Variants in KIFBP observed in about 807,000 individuals in gnomAD.
KIFBP encodes the protein KIF-binding protein.
Under a neutral mutation model 58.9 loss-of-function variants are expected in KIFBP, and 46 were observed. The observed-to-expected ratio is 0.78, with a 90% confidence interval of 0.62 to 1.00. KIFBP has a LOEUF of 1.00. Among genes scored for constraint, KIFBP ranks in the 50% least tolerant of loss-of-function variants. The pLI is 0.00. For synonymous variants in KIFBP, 241 were observed against 283.4 expected (o/e 0.85, Z 1.50); for missense variants, 651 against 752.9 (o/e 0.86, Z 1.58).
chr10:68,995,803 T>A (rs1843397012), intron 1 of KIFBP, among the ~76,000 whole-genome samples: 1 of 152,246 alleles, frequency 6.6e-6, no homozygotes, highest in African/African-American at 2.4e-5. Flanking sequence ...ATGTGAAAGA[T>A]GCAAGACCTT....
chr10:68,998,157 TAGTC>T (rs1033701738), intron 1 of KIFBP, among the ~76,000 whole-genome samples: 3 of 152,226 alleles, frequency 2.0e-5, no homozygotes, highest in African/African-American at 7.2e-5. Flanking sequence ...TGTTACATGT[TAGTC>T]AGGCTGGTCT....
intron 4 of KIFBP, among the ~76,000 whole-genome samples, chr10:69,008,391 A>AAAAATATATATATATATATATAT: frequency 7.0e-5 from 5 of 71,586 alleles, no homozygotes; most frequent in African/African-American, 2.3e-4. Flanking sequence ...AAAAAAAAAA[A>AAAAATATATATATATATATATAT]ATATATATAT....
intron 4 of KIFBP, chr10:69,007,656 A>G (rs1288125202): frequency 6.6e-6 from 1 of 152,238 alleles, no homozygotes; most frequent in African/African-American, 2.4e-5. Context: ...ACACGTGTCC[A>G]GCTATTCTCA....
chr10:68,993,398 T>A lies in KIFBP; in HGVS notation c.426+4140T>A, dbSNP rs150689729. Among the ~76,000 whole-genome samples, 161 of 152,298 alleles carry A rather than the reference T, an allele frequency of 1.1e-3. 2 individuals are homozygous for A. The highest frequency in any genetic ancestry group is 3.7e-3 in the African/African-American group (152 of 41,582). The stretch of plus-strand genomic sequence containing the variant: ...CCCTTGTGGGTTAGTAATTTCTGTC[T>A]GTCTCTTTGCCCCTCACTAATTGTT... On this transcript the variant is annotated intron_variant, in intron 1 of 6. Coordinates refer to ENST00000361983, the MANE Select transcript of KIFBP (RefSeq NM_015634.4).
At position 69,016,225 on chromosome 10, in the gene KIFBP, A is replaced by G; in HGVS notation, c.1675A>G (p.Thr559Ala). ...TGCCCGTCTCTATGGCAAAATCATT[A>G]CTGCAGATCCCAAGAAAGAGCTGGA... ...RVARLYGKIITADPKKELENL... is the reference protein window; with the variant it reads ...RVARLYGKIIAADPKKELENL... The change falls in exon 7 of 7, where the codon ACT becomes GCT. Residue 559 changes from threonine (T) to alanine (A), a missense_variant. By Grantham distance (58) the Thr-to-Ala change is moderately conservative. Coordinates refer to ENST00000361983, the MANE Select transcript of KIFBP (RefSeq NM_015634.4). 5.0e-6 allele frequency: 8 copies of G among 1,606,198 alleles called. No individual in the cohort carries two copies. The highest frequency in any genetic ancestry group is 6.8e-6 in the Non-Finnish European group (8 of 1,176,862).
chr10:69,010,745 G>C (rs1026789460), intron 5 of KIFBP, among the ~76,000 whole-genome samples, 155 bp from the exon 6 acceptor site: 11 of 151,880 alleles, frequency 7.2e-5, no homozygotes, highest in Admixed American at 5.3e-4. Flanking sequence ...GTAGGATTTG[G>C]GGGGGGATCT....
chr10:68,989,061 C>T lies in KIFBP; in HGVS notation c.229C>T (p.Pro77Ser), dbSNP rs1180741256. The T allele has an allele frequency of 1.9e-6, 3 of 1,612,550 alleles. No individual in the cohort carries two copies. In the South Asian group the frequency reaches 3.3e-5, roughly 18 times the overall value. ...PGAGDHALGL[P>S]AEVVEPEGPV... Reference sequence around the variant, plus strand: ...TGCCGGTGACCACGCCCTGGGGCTGCCGGCTGAGGTGGTGGAGCCCGAGGG... The same window carrying T: ...TGCCGGTGACCACGCCCTGGGGCTGTCGGCTGAGGTGGTGGAGCCCGAGGG... The change falls in exon 1 of 7, where the codon CCG (proline) becomes TCG (serine). Residue 77 changes from proline (P) to serine (S), a missense_variant. Coordinates refer to ENST00000361983, the MANE Select transcript of KIFBP (RefSeq NM_015634.4).
At chr10:68,996,890 G>A (rs147060777) in intron 1 of KIFBP, among the ~76,000 whole-genome samples, 68 of 151,784 alleles carry the variant, frequency 4.5e-4, no homozygotes, top group Non-Finnish European at 8.5e-4. Flanking sequence ...TTGGCCAGGC[G>A]CAGTGGCTCA....
At chr10:69,011,681 ATCTTT>A (rs1432113451) in intron 6 of KIFBP, among the ~76,000 whole-genome samples, 5 of 96,152 alleles carry the variant, frequency 5.2e-5, no homozygotes, top group African/African-American at 2.2e-4. Flanking sequence ...ACTGTGCCTA[ATCTTT>A]TTTTTTTTTT....
chr10:69,000,652 G>T, intron 2 of KIFBP, 130 bp downstream of exon 2: 1 of 706,968 alleles, frequency 1.4e-6, no homozygotes, highest in South Asian at 1.5e-5. Context: ...GAGCCATCTG[G>T]GAAGTCACCT....
intron 2 of KIFBP, 133 bp downstream of exon 2, chr10:69,000,655 A>G: frequency 1.4e-6 from 1 of 701,372 alleles, no homozygotes; most frequent in South Asian, 1.5e-5. Context: ...CCATCTGGGA[A>G]GTCACCTCAT....
intron 5 of KIFBP, 122 bp from the exon 6 acceptor site, chr10:69,010,778 C>T (rs1330473032): frequency 2.8e-6 from 2 of 709,642 alleles, no homozygotes; most frequent in East Asian, 2.7e-5. Flanking sequence ...CCCCAAGCCC[C>T]CTGCTTCAGT....
chr10:69,011,589 G>A (rs905236531), intron 6 of KIFBP, among the ~76,000 whole-genome samples: 1 of 149,784 alleles, frequency 6.7e-6, no homozygotes, highest in South Asian at 2.1e-4. Context: ...TCACTGTGTT[G>A]CCAAGGCTGG....
chr10:69,005,687 A>G (rs755038451), intron 3 of KIFBP, 45 bp from the exon 4 acceptor site: 1 of 1,461,564 alleles, frequency 6.8e-7, no homozygotes. Context: ...AAAAAAAAAA[A>G]CAAGTAAACC....
At chr10:69,014,698 T>A (rs1179656732) in intron 6 of KIFBP, among the ~76,000 whole-genome samples, 2 of 148,118 alleles carry the variant, frequency 1.4e-5, no homozygotes, top group African/African-American at 4.9e-5. Flanking sequence ...ACCTTAGTTA[T>A]TCTTTCTTTT....
chr10:68,998,436 C>A (rs1359731355), intron 1 of KIFBP, among the ~76,000 whole-genome samples: 1 of 150,762 alleles, frequency 6.6e-6, no homozygotes, highest in Non-Finnish European at 1.5e-5. Flanking sequence ...TTCACAAAGT[C>A]CCAGGTCCTA....
At chr10:69,003,045 A>C (rs1029971269) in intron 2 of KIFBP, among the ~76,000 whole-genome samples, 9 of 38,062 alleles carry the variant, frequency 2.4e-4, no homozygotes, top group African/African-American at 1.0e-3. Flanking sequence ...CCGTCTTTAC[A>C]AAAAAAAAAA....
At chr10:68,993,654 A>G (rs1375272827) in intron 1 of KIFBP, among the ~76,000 whole-genome samples, 2 of 151,778 alleles carry the variant, frequency 1.3e-5, no homozygotes, top group Admixed American at 6.6e-5. Flanking sequence ...GGGTCTCACT[A>G]TATTGACCAG....
At chr10:68,999,514 T>C (rs1261120341) in intron 1 of KIFBP, among the ~76,000 whole-genome samples, 2 of 152,156 alleles carry the variant, frequency 1.3e-5, no homozygotes, top group Non-Finnish European at 2.9e-5. Context: ...GCTTAGCTGA[T>C]TGTTCCTTAC....
Sources: gnomAD v4.1 joint callset for allele counts (sites outside exome capture counted in the v4.1 genomes callset) on GRCh38, gnomAD v4.1.1 for gene constraint, MANE v1.5 for transcripts, NCBI Gene and HGNC (gene_info 2026-07-23, HGNC 2026-07-21) for gene names.